The following PCDH15 variants were observed in gnomAD, a reference collection of about 807,000 sequenced individuals.
The protein encoded by PCDH15 is protocadherin-15.
Under a neutral mutation model 178.5 loss-of-function variants are expected in PCDH15, and 129 were observed. The ratio of observed to expected loss-of-function variants is 0.72; its 90% CI spans 0.63 to 0.84. PCDH15 has a LOEUF of 0.84. Ranked by LOEUF, PCDH15 falls within the 40% of genes least tolerant of loss-of-function variation. The pLI is 0.00. For synonymous variants in PCDH15, 800 were observed against 732.0 expected (o/e 1.09, Z -1.50); for missense variants, 2,230 against 2,099.9 (o/e 1.06, Z -1.21).
intron 2 of PCDH15, among the ~76,000 whole-genome samples, chr10:55,354,081 C>A (rs1464433633): frequency 1.3e-5 from 2 of 151,910 alleles, no homozygotes; most frequent in Non-Finnish European, 2.9e-5. Flanking sequence ...TTGGGGAAAC[C>A]AAGAATAGAG....
At chr10:55,170,153 T>C in intron 1 of PCDH15, among the ~76,000 whole-genome samples, 1 of 152,042 alleles carries the variant, frequency 6.6e-6, no homozygotes. Context: ...GTTTTATTTG[T>C]TTTGCTTTTT....
chr10:54,055,517 T>G (rs1232859425), intron 18 of PCDH15, among the ~76,000 whole-genome samples: 1 of 152,208 alleles, frequency 6.6e-6, no homozygotes, highest in African/African-American at 2.4e-5. Flanking sequence ...TGTGCAAGCA[T>G]TTATGCCCAG....
intron 2 of PCDH15, among the ~76,000 whole-genome samples, chr10:55,457,320 C>T (rs1332175789): frequency 1.3e-5 from 2 of 152,022 alleles, no homozygotes; most frequent in African/African-American, 2.4e-5. Context: ...GTAGCTTGTA[C>T]TCATTTTGCA....
chr10:54,881,919 T>C (rs1220728243), intron 3 of PCDH15, among the ~76,000 whole-genome samples: 1 of 152,132 alleles, frequency 6.6e-6, no homozygotes, highest in Non-Finnish European at 1.5e-5. Context: ...AAATATTATA[T>C]ACAGCGCAGT....
At chr10:55,200,607 C>T (rs1032498538) in intron 1 of PCDH15, among the ~76,000 whole-genome samples, 4 of 152,050 alleles carry the variant, frequency 2.6e-5, no homozygotes, top group African/African-American at 9.7e-5. Flanking sequence ...AAGACATGAG[C>T]TTTGGGAGGG....
chr10:54,890,230 A>C (rs1954435798), intron 3 of PCDH15, among the ~76,000 whole-genome samples: 1 of 152,022 alleles, frequency 6.6e-6, no homozygotes, highest in East Asian at 1.9e-4. Context: ...GTGGATAAAG[A>C]TGTAGCTGTA....
intron 2 of PCDH15, among the ~76,000 whole-genome samples, chr10:54,903,198 ACAT>A (rs1287700543): frequency 1.3e-5 from 2 of 152,198 alleles, no homozygotes; most frequent in Non-Finnish European, 2.9e-5. Flanking sequence ...CAAGCCAATA[ACAT>A]CAACACTACA....
At chr10:53,858,385 C>A (rs2133053219) in intron 27 of PCDH15, among the ~76,000 whole-genome samples, 1 of 152,028 alleles carries the variant, frequency 6.6e-6, no homozygotes, top group South Asian at 2.1e-4. Flanking sequence ...AGAAAAGTAG[C>A]CAAAAGTATG....
intron 3 of PCDH15, among the ~76,000 whole-genome samples, chr10:54,392,924 T>C (rs1022253314): frequency 5.9e-5 from 9 of 151,328 alleles, no homozygotes; most frequent in Admixed American, 5.3e-4. Context: ...AAAAATTGCA[T>C]TGCTGCAACA....
intron 2 of PCDH15, among the ~76,000 whole-genome samples, chr10:55,065,504 A>G (rs1449340201): frequency 2.0e-5 from 3 of 151,986 alleles, no homozygotes; most frequent in African/African-American, 4.8e-5. Flanking sequence ...ACTTTCTTCA[A>G]AACACATACT....
chr10:55,520,043 T>C (rs140901863), intron 2 of PCDH15, among the ~76,000 whole-genome samples: 6,299 of 145,228 alleles, frequency 0.043, 382 homozygotes, highest in East Asian at 0.31. Flanking sequence ...GCCATATATA[T>C]ACATATATAT....
At chr10:55,316,801 A>G (rs1339442817) in intron 1 of PCDH15, among the ~76,000 whole-genome samples, 1 of 152,208 alleles carries the variant, frequency 6.6e-6, no homozygotes, top group Admixed American at 6.5e-5. Context: ...ATGAGAAAAT[A>G]AAAGTGTTAA....
intron 18 of PCDH15, among the ~76,000 whole-genome samples, chr10:54,057,224 G>A (rs2093912593): frequency 6.6e-6 from 1 of 152,186 alleles, no homozygotes; most frequent in Non-Finnish European, 1.5e-5. Flanking sequence ...AGCTCCACTA[G>A]GCAGTGTCCC....
At chr10:53,957,178 A>G (rs1026361440) in intron 23 of PCDH15, among the ~76,000 whole-genome samples, 3 of 152,208 alleles carry the variant, frequency 2.0e-5, no homozygotes, top group Non-Finnish European at 4.4e-5. Flanking sequence ...CTTCTCTTGG[A>G]GTTTCCAAAG....
intron 3 of PCDH15, among the ~76,000 whole-genome samples, chr10:54,391,920 C>A (rs1386412327): frequency 1.3e-5 from 2 of 152,002 alleles, no homozygotes; most frequent in Non-Finnish European, 2.9e-5. Context: ...GATATAGATT[C>A]GGGAGAAATT....
chr10:55,338,487 G>A (rs2131950323), intron 2 of PCDH15, among the ~76,000 whole-genome samples: 1 of 152,232 alleles, frequency 6.6e-6, no homozygotes, highest in East Asian at 1.9e-4. Flanking sequence ...TTAAAATCCT[G>A]GCTGGGGACA....
At chr10:55,595,120 T>C (rs761261415) in intron 2 of PCDH15, among the ~76,000 whole-genome samples, 1 of 152,046 alleles carries the variant, frequency 6.6e-6, no homozygotes, top group Non-Finnish European at 1.5e-5. Flanking sequence ...CTACGATAAG[T>C]TTCAGATTCT....
intron 2 of PCDH15, among the ~76,000 whole-genome samples, chr10:55,409,155 C>A (rs895696215): frequency 1.3e-5 from 2 of 152,062 alleles, no homozygotes. Flanking sequence ...GACCTCTCTC[C>A]TGAATTTCAC....
At chr10:54,455,091 G>T (rs1460050269) in intron 3 of PCDH15, among the ~76,000 whole-genome samples, 1 of 152,118 alleles carries the variant, frequency 6.6e-6, no homozygotes, top group Non-Finnish European at 1.5e-5. Flanking sequence ...ATGTGAAGAA[G>T]AATGTGTTTA....
Sources: gnomAD v4.1 joint callset for allele counts (sites outside exome capture counted in the v4.1 genomes callset) on GRCh38, gnomAD v4.1.1 for gene constraint, MANE v1.5 for transcripts, NCBI Gene and HGNC (gene_info 2026-07-23, HGNC 2026-07-21) for gene names.